Variants in CAMK2D observed in about 807,000 individuals in gnomAD.
CAMK2D encodes calcium/calmodulin-dependent protein kinase type II subunit delta.
Under a neutral mutation model 84.0 loss-of-function variants are expected in CAMK2D, and 37 were observed. The observed-to-expected ratio is 0.44, with a 90% CI of 0.34 to 0.58. The LOEUF is 0.58. Among genes scored for constraint, CAMK2D ranks in the 20% least tolerant of loss-of-function variants. CAMK2D has a pLI of 0.02. For synonymous variants in CAMK2D, 202 were observed against 212.5 expected, an observed-to-expected ratio of 0.95 and a Z score of 0.43; for missense variants, 448 against 652.5, an observed-to-expected ratio of 0.69 and a Z score of 3.41.
At chr4:113,702,917 A>C (rs1263693130) in intron 2 of CAMK2D, among the ~76,000 whole-genome samples, 1 of 152,174 alleles carries the variant, frequency 6.6e-6, no homozygotes, top group Non-Finnish European at 1.5e-5. Flanking sequence ...ATATATATAC[A>C]TAAGTGATTT....
intron 16 of CAMK2D, among the ~76,000 whole-genome samples, chr4:113,475,866 GAATC>G (rs2097605593): frequency 6.6e-6 from 1 of 152,118 alleles, no homozygotes; most frequent in Non-Finnish European, 1.5e-5. Flanking sequence ...ATAGCTCCCT[GAATC>G]AATAAAAGAT....
intron 3 of CAMK2D, among the ~76,000 whole-genome samples, chr4:113,653,839 G>A (rs2099186863): frequency 6.6e-6 from 1 of 151,974 alleles, no homozygotes; most frequent in Non-Finnish European, 1.5e-5. Context: ...GTTCCTTACA[G>A]AACCTGAGGA....
At chr4:113,471,552 C>CT (rs1324904445) in intron 16 of CAMK2D, among the ~76,000 whole-genome samples, 1 of 152,188 alleles carries the variant, frequency 6.6e-6, no homozygotes, top group Non-Finnish European at 1.5e-5. Flanking sequence ...ATCTACTCAG[C>CT]TGCCCAAACT....
At chr4:113,589,606 C>T (rs1009243265) in intron 4 of CAMK2D, among the ~76,000 whole-genome samples, 9 of 152,148 alleles carry the variant, frequency 5.9e-5, no homozygotes, top group Middle Eastern at 3.4e-3. Flanking sequence ...CTGAAAAAGA[C>T]GGAGTTGCCA....
chr4:113,601,315 G>A (rs916495526), intron 4 of CAMK2D, among the ~76,000 whole-genome samples: 3 of 151,968 alleles, frequency 2.0e-5, no homozygotes, highest in African/African-American at 7.3e-5. Flanking sequence ...TCTATTAAAA[G>A]GACAGAATGT....
intron 2 of CAMK2D, among the ~76,000 whole-genome samples, chr4:113,689,331 G>A (rs901489655): frequency 2.6e-5 from 4 of 152,158 alleles, no homozygotes; most frequent in African/African-American, 9.7e-5. Flanking sequence ...CTCTCAGAAA[G>A]CTGACTTCCT....
intron 12 of CAMK2D, among the ~76,000 whole-genome samples, chr4:113,512,448 G>A (rs1009895723): frequency 6.6e-6 from 1 of 152,162 alleles, no homozygotes; most frequent in Non-Finnish European, 1.5e-5. Context: ...TGAGTGCAAG[G>A]TGCTCTGTAA....
At chr4:113,693,745 A>G (rs902385234) in intron 2 of CAMK2D, among the ~76,000 whole-genome samples, 2 of 152,214 alleles carry the variant, frequency 1.3e-5, no homozygotes, top group African/African-American at 4.8e-5. Context: ...AAATAAAACA[A>G]TATTTTACTA....
At chr4:113,613,776 A>G (rs1218025171) in intron 3 of CAMK2D, among the ~76,000 whole-genome samples, 1 of 152,162 alleles carries the variant, frequency 6.6e-6, no homozygotes. Context: ...AAGCTTACCC[A>G]ACATACAAAA....
chr4:113,502,543 CAAGTT>C (rs1316845845), intron 15 of CAMK2D, among the ~76,000 whole-genome samples: 1 of 146,488 alleles, frequency 6.8e-6, no homozygotes, highest in African/African-American at 2.5e-5. Flanking sequence ...CCTATAAAGT[CAAGTT>C]GATATTTTTG....
chr4:113,761,171 G>T lies in CAMK2D; in HGVS notation c.-103C>A. The T allele has an allele frequency of 5.0e-6, 8 of 1,596,254 alleles. No individual in the cohort carries two copies. In the South Asian group the frequency reaches 8.8e-5, roughly 18 times the overall value. On this transcript the variant is annotated 5_prime_UTR_variant, in exon 1 of 21. Coordinates refer to ENST00000511664, the MANE Select transcript of CAMK2D (RefSeq NM_001321571.2). ...CCCCGCGGCGCTGTCACCCAGGGCCGCTCTTACTTTCCTGGTCCGAAAGTA... is the reference window on the plus strand; with the variant it reads ...CCCCGCGGCGCTGTCACCCAGGGCCTCTCTTACTTTCCTGGTCCGAAAGTA...
Position 113,542,639 on chromosome 4 carries a change from A to T in CAMK2D, c.414+5005T>A, listed in dbSNP as rs535251136. Among the ~76,000 whole-genome samples, 667 of 151,638 alleles carry T rather than the reference A, an allele frequency of 4.4e-3. 1 individual carries two copies. Among genetic ancestry groups the T allele is most frequent in the Non-Finnish European group, 7.2e-3 (488 of 67,862 alleles). ...CTGAGGCAGGAGAATGGCATGAACC[A>T]GGGAGGCGGAGCTTGCAGTGAGCTG... is the stretch of plus-strand genomic sequence containing the variant. On this transcript the variant is annotated intron_variant, in intron 6 of 20. Coordinates refer to ENST00000511664, the MANE Select transcript of CAMK2D (RefSeq NM_001321571.2).
chr4:113,692,493 T>C (rs1362844514), intron 2 of CAMK2D, among the ~76,000 whole-genome samples: 3 of 152,144 alleles, frequency 2.0e-5, no homozygotes, highest in Non-Finnish European at 4.4e-5. Context: ...CATATTCATA[T>C]ATTCATACAT....
At position 113,514,305 on chromosome 4, in the gene CAMK2D, C is replaced by T. The variant is rs148376532; in HGVS notation, c.820-392G>A. ...GTGGGCACCTGTAATCCCAGCTACT[C>T]GGGAGGCTGAGACAGGAGAATTGCT... On this transcript the variant is annotated intron_variant, in intron 10 of 20. Coordinates refer to ENST00000511664, the MANE Select transcript of CAMK2D (RefSeq NM_001321571.2). Among the ~76,000 whole-genome samples the T allele has an allele frequency of 6.7e-3, 1,013 of 152,064 alleles. 9 individuals carry two copies. Among genetic ancestry groups the T allele is most frequent in the Non-Finnish European group, 0.011 (770 of 67,982 alleles).
intron 4 of CAMK2D, among the ~76,000 whole-genome samples, chr4:113,570,314 T>C (rs1418344800): frequency 6.6e-6 from 1 of 152,100 alleles, no homozygotes; most frequent in Non-Finnish European, 1.5e-5. Flanking sequence ...AATACTAAAA[T>C]GTGTATGGAA....
intron 4 of CAMK2D, among the ~76,000 whole-genome samples, chr4:113,556,027 G>T (rs974861795): frequency 2.0e-5 from 3 of 152,160 alleles, no homozygotes; most frequent in African/African-American, 7.2e-5. Flanking sequence ...GCTGATATCA[G>T]ACTTCCAGCC....
chr4:113,690,320 G>A (rs1379508656), intron 2 of CAMK2D, among the ~76,000 whole-genome samples: 10 of 151,864 alleles, frequency 6.6e-5, no homozygotes, highest in Non-Finnish European at 1.0e-4. Flanking sequence ...TCTACTACTC[G>A]GACCAATAAT....
chr4:113,680,059 C>T (rs1468313608), intron 2 of CAMK2D, among the ~76,000 whole-genome samples: 2 of 152,070 alleles, frequency 1.3e-5, no homozygotes, highest in Middle Eastern at 3.2e-3. Flanking sequence ...TCCTTTTTCA[C>T]ATTATTATTA....
chr4:113,547,621 T>A (rs760736479), intron 6 of CAMK2D, 23 bp downstream of exon 6: 1 of 1,483,076 alleles, frequency 6.7e-7, no homozygotes, highest in Non-Finnish European at 9.1e-7. Flanking sequence ...TGGTGGTTTA[T>A]CTTCTTCAAC....
Sources: allele counts gnomAD v4.1 joint callset (sites outside exome capture counted in the v4.1 genomes callset), GRCh38; gene constraint gnomAD v4.1.1; transcripts MANE v1.5; gene names NCBI Gene and HGNC (gene_info 2026-07-23, HGNC 2026-07-21).